Variants in PTPN13 observed in about 807,000 individuals in gnomAD.
The protein encoded by PTPN13 is protein tyrosine phosphatase non-receptor type 13, also known as tyrosine-protein phosphatase non-receptor type 13.
A neutral mutation model predicts 284.0 loss-of-function variants in PTPN13; 191 were observed. The ratio of observed to expected loss-of-function variants is 0.67; its 90% CI spans 0.60 to 0.76. The LOEUF (loss-of-function observed/expected upper bound fraction) is 0.76, where lower values mean the gene tolerates loss of function less well. Among genes scored for constraint, PTPN13 ranks in the 30% least tolerant of loss-of-function variants. The pLI is 0.00. For missense variants in PTPN13, 2,797 were observed against 2,939.9 expected, an observed-to-expected ratio of 0.95 and a Z score of 1.12; for synonymous variants, 986 against 1,022.3, an observed-to-expected ratio of 0.96 and a Z score of 0.68.
At chr4:86,629,650 T>C (rs1243472446) in intron 1 of PTPN13, among the ~76,000 whole-genome samples, 2 of 152,236 alleles carry the variant, frequency 1.3e-5, no homozygotes, top group Non-Finnish European at 2.9e-5. Flanking sequence ...GAAGTCACCA[T>C]AATTTTCTCC....
chr4:86,765,156 G>A (rs948715199), intron 25 of PTPN13, among the ~76,000 whole-genome samples: 1 of 152,116 alleles, frequency 6.6e-6, no homozygotes, highest in African/African-American at 2.4e-5. Context: ...AGTTCCCAAG[G>A]AATATATGTA....
intron 33 of PTPN13, 29 bp downstream of exon 33, chr4:86,774,560 T>A: frequency 1.3e-6 from 2 of 1,555,772 alleles, no homozygotes; most frequent in Non-Finnish European, 1.7e-6. Context: ...ATGGATTATT[T>A]GTGTAAATGT....
rs774319410 is a variant in PTPN13, at chr4:86,751,025, A to T, written c.3069-2A>T. 1.2e-6 allele frequency: 2 copies of T among 1,600,014 alleles called. No homozygotes were observed. Among genetic ancestry groups the T allele is most frequent in the African/African-American group, 2.7e-5 (2 of 74,464 alleles). On this transcript the variant is annotated splice_acceptor_variant, in intron 18 of 47. Coordinates refer to ENST00000411767, the MANE Select transcript of PTPN13 (RefSeq NM_080683.3). LOFTEE classifies it high-confidence loss of function. The stretch of plus-strand genomic sequence containing the variant: ...CCTCCTACCTTCCTTTTCCCTCTTC[A>T]GTTCAAAGTCTGTTGCGAGTTTAAA...
intron 20 of PTPN13, among the ~76,000 whole-genome samples, chr4:86,753,633 T>G (rs1002401963): frequency 6.6e-6 from 1 of 152,092 alleles, no homozygotes; most frequent in Non-Finnish European, 1.5e-5. Context: ...AGAAGGAATC[T>G]AAGAAACAAA....
intron 2 of PTPN13, among the ~76,000 whole-genome samples, chr4:86,669,046 T>C (rs1485247732): frequency 6.6e-6 from 1 of 151,694 alleles, no homozygotes; most frequent in Non-Finnish European, 1.5e-5. Flanking sequence ...TGCCTTTGCT[T>C]TGGCCGTTTC....
At chr4:86,756,327 A>G (rs949991676) in intron 20 of PTPN13, among the ~76,000 whole-genome samples, 3 of 151,956 alleles carry the variant, frequency 2.0e-5, no homozygotes, top group African/African-American at 7.2e-5. Flanking sequence ...TGTTCTAGCT[A>G]AAAAATAGAA....
chr4:86,783,917 A>G (rs1741614529), intron 37 of PTPN13, among the ~76,000 whole-genome samples: 1 of 151,950 alleles, frequency 6.6e-6, no homozygotes, highest in Non-Finnish European at 1.5e-5. Flanking sequence ...TTTTTCTTAA[A>G]TTTATATGAG....
At chr4:86,775,086 A>C (rs1469378112) in intron 33 of PTPN13, 85 bp from the exon 34 acceptor site, 10 of 923,772 alleles carry the variant, frequency 1.1e-5, no homozygotes, top group Non-Finnish European at 1.3e-5. Flanking sequence ...ATTATAAATT[A>C]GGAGGATTAT....
intron 15 of PTPN13, among the ~76,000 whole-genome samples, chr4:86,736,877 C>A (rs529372563): frequency 1.3e-5 from 2 of 152,286 alleles, no homozygotes; most frequent in African/African-American, 4.8e-5. Flanking sequence ...ATAATATATT[C>A]TGTTACTTCA....
chr4:86,661,287 C>T (rs1041578180), intron 2 of PTPN13: 1 of 237,588 alleles, frequency 4.2e-6, no homozygotes, highest in African/African-American at 2.4e-5. Context: ...TTCTGTGAGA[C>T]ATTCAGATTT....
intron 2 of PTPN13, among the ~76,000 whole-genome samples, chr4:86,669,512 G>A (rs1032830194): frequency 5.9e-5 from 9 of 151,988 alleles, no homozygotes; most frequent in African/African-American, 2.2e-4. Flanking sequence ...GATACATATA[G>A]TTCTTAACAG....
Position 86,811,104 on chromosome 4 carries a change from C to A in PTPN13, c.7358C>A (p.Thr2453Lys), listed in dbSNP as rs778457376. 3 of 1,612,764 alleles carry A rather than the reference C, an allele frequency of 1.9e-6. No individual in the cohort carries two copies. The South Asian group carries it at 3.3e-5, about 18-fold the overall frequency. ...MRLQRHGMVQ[T>K]EDQYIFCYQV... is the part of the protein sequence containing the mutation. Reference sequence around the variant, plus strand: ...CTACAAAGACACGGAATGGTTCAGACAGAGGTGAGTCATGGCTGGGCCTCC... The same window carrying A: ...CTACAAAGACACGGAATGGTTCAGAAAGAGGTGAGTCATGGCTGGGCCTCC... Residue 2453 changes from threonine (T) to lysine (K), a missense_variant, in exon 47 of 48, where the codon ACA (threonine) becomes AAA (lysine). By Grantham distance (78) the Thr-to-Lys change is moderately conservative (BLOSUM62 -1). Coordinates refer to ENST00000411767, the MANE Select transcript of PTPN13 (RefSeq NM_080683.3).
At chr4:86,620,519 A>G (rs1017068689) in intron 1 of PTPN13, among the ~76,000 whole-genome samples, 1 of 152,244 alleles carries the variant, frequency 6.6e-6, no homozygotes, top group Non-Finnish European at 1.5e-5. Context: ...TGCAGTACAC[A>G]TATGGGTTAT....
At chr4:86,619,992 A>G (rs917047732) in intron 1 of PTPN13, among the ~76,000 whole-genome samples, 1 of 152,044 alleles carries the variant, frequency 6.6e-6, no homozygotes, top group Non-Finnish European at 1.5e-5. Flanking sequence ...CTTACCTTCT[A>G]TTTATGGAAC....
chr4:86,747,575 CAGCAGCAGTAGTAGT>C (rs1736927811), intron 17 of PTPN13, among the ~76,000 whole-genome samples: 2 of 127,576 alleles, frequency 1.6e-5, no homozygotes, highest in African/African-American at 5.4e-5. Flanking sequence ...GCAGCAGCAG[CAGCAGCAGTAGTAGT>C]AGTAGATGAA....
At chr4:86,736,168 G>A (rs1185589502) in intron 15 of PTPN13, among the ~76,000 whole-genome samples, 1 of 152,082 alleles carries the variant, frequency 6.6e-6, no homozygotes, top group African/African-American at 2.4e-5. Context: ...TTTAAAAATG[G>A]TCTTCCCACT....
rs1266287665 is a variant in PTPN13 at position 86,750,476 on chromosome 4, C to G, written c.2657C>G (p.Ala886Gly). 2 of 1,611,060 alleles carry G rather than the reference C, an allele frequency of 1.2e-6. No individual in the cohort carries two copies. Among genetic ancestry groups the G allele is most frequent in the Non-Finnish European group, 1.7e-6 (2 of 1,178,554 alleles). Residue 886 changes from alanine (A) to glycine (G), a missense_variant, in exon 18 of 48, where the codon GCT becomes GGT. Ala to Gly is a moderately conservative substitution (Grantham distance 60, BLOSUM62 0). Coordinates refer to ENST00000411767, the MANE Select transcript of PTPN13 (RefSeq NM_080683.3). ...SNQDAQDIER[A>G]SFRSLNLQAE... ...CAATCCTATTTCCTTGTAGAGAGAG[C>G]TTCGTTTAGGAGCCTGAATCTCCAA...
At position 86,722,371 on chromosome 4, in the gene PTPN13, C is replaced by T. The variant is rs1418454946; in HGVS notation, c.1545C>T (p.Asp515=). ...ACACAATCAAAGCGTCCATGCTTGA[C>T]ATCACCAGGGATCCGTTAAGAGAAA... ...PGDTIKASML[D]ITRDPLREIA... The change falls in exon 10 of 48, where the codon GAC becomes GAT. Residue 515 remains aspartate (D), a synonymous_variant. Transcript: ENST00000411767. 4 of 1,613,792 alleles carry T rather than the reference C, an allele frequency of 2.5e-6. No individual in the cohort carries two copies. The South Asian group carries it at 3.3e-5, about 13-fold the overall frequency.
intron 6 of PTPN13, among the ~76,000 whole-genome samples, chr4:86,699,592 C>T (rs1332926763): frequency 6.6e-6 from 1 of 152,092 alleles, no homozygotes; most frequent in African/African-American, 2.4e-5. Context: ...TGTGGTGTTG[C>T]GTGTACAAAG....
Sources: allele counts gnomAD v4.1 joint callset (sites outside exome capture counted in the v4.1 genomes callset), GRCh38; gene constraint gnomAD v4.1.1; transcripts MANE v1.5; gene names NCBI Gene and HGNC (gene_info 2026-07-23, HGNC 2026-07-21).